RIT2: variants seen among roughly 807,000 people sequenced by gnomAD.
The protein encoded by RIT2 is GTP-binding protein Rit2.
RIT2 carries 24 observed loss-of-function variants against 23.7 expected under a neutral mutation model. The observed-to-expected ratio is 1.01, with a 90% confidence interval of 0.73 to 1.43. The LOEUF (loss-of-function observed/expected upper bound fraction) is 1.43, where lower values mean the gene tolerates loss of function less well. Ranked by LOEUF, RIT2 falls within the 40% of genes most tolerant of loss-of-function variation. RIT2 has a pLI of 0.00. For synonymous variants in RIT2, 107 were observed against 91.1 expected (o/e 1.17, Z -0.99); for missense variants, 236 against 266.9 (o/e 0.88, Z 0.81).
At chr18:43,087,883 G>A (rs1913323743) in intron 1 of RIT2, among the ~76,000 whole-genome samples, 4 of 152,092 alleles carry the variant, frequency 2.6e-5, no homozygotes, top group South Asian at 4.1e-4. Flanking sequence ...TGATGTGAGC[G>A]ATACATGTAG....
At chr18:43,057,352 G>T (rs1334049200) in intron 1 of RIT2, among the ~76,000 whole-genome samples, 9 of 152,092 alleles carry the variant, frequency 5.9e-5, no homozygotes, top group African/African-American at 2.2e-4. Flanking sequence ...TATATAAAAT[G>T]AGTTATTGCA....
At chr18:43,069,295 A>G (rs909771232) in intron 1 of RIT2, among the ~76,000 whole-genome samples, 31 of 152,002 alleles carry the variant, frequency 2.0e-4, no homozygotes, top group African/African-American at 7.3e-4. Flanking sequence ...TACTCTGTCT[A>G]TGGAGTAGCT....
chr18:43,031,048 C>T lies in RIT2; in HGVS notation c.160+2763G>A, dbSNP rs1041578583. Among the ~76,000 whole-genome samples, 13 of 151,898 alleles carry T rather than the reference C, an allele frequency of 8.6e-5. No individual in the cohort carries two copies. In the East Asian group the frequency reaches 1.8e-3, roughly 20 times the overall value. ...GGTGCCTGGTAATGTATTTAGCTCTCGCTTGCCTTCCTACATATTATACCA... is the reference window on the plus strand; with the variant it reads ...GGTGCCTGGTAATGTATTTAGCTCTTGCTTGCCTTCCTACATATTATACCA... On this transcript the variant is annotated intron_variant, in intron 2 of 4. Transcript: ENST00000326695.
At chr18:43,078,365 T>A (rs1406860972) in intron 1 of RIT2, among the ~76,000 whole-genome samples, 1 of 152,108 alleles carries the variant, frequency 6.6e-6, no homozygotes, top group East Asian at 1.9e-4. Context: ...GAGAGAAGGG[T>A]CTACATAGTT....
At chr18:42,977,200 T>C (rs938369084) in intron 2 of RIT2, among the ~76,000 whole-genome samples, 2 of 152,076 alleles carry the variant, frequency 1.3e-5, no homozygotes, top group Non-Finnish European at 2.9e-5. Context: ...TATGGTCTTA[T>C]TCATGCCAAT....
intron 2 of RIT2, among the ~76,000 whole-genome samples, chr18:43,004,159 T>C (rs1430113574): frequency 6.6e-6 from 1 of 151,854 alleles, no homozygotes; most frequent in Admixed American, 6.6e-5. Flanking sequence ...AGGGCTTTCA[T>C]TTCATATTAC....
intron 1 of RIT2, among the ~76,000 whole-genome samples, chr18:43,047,341 C>T (rs770078206): frequency 1.7e-4 from 26 of 152,168 alleles, no homozygotes; most frequent in Non-Finnish European, 1.6e-4. Context: ...TTCCACTTCA[C>T]CATTATCTTA....
chr18:43,065,037 C>G (rs917196510), intron 1 of RIT2, among the ~76,000 whole-genome samples: 1 of 151,784 alleles, frequency 6.6e-6, no homozygotes, highest in Non-Finnish European at 1.5e-5. Context: ...CCAGGCTGGT[C>G]TCAAACTCCT....
intron 3 of RIT2, among the ~76,000 whole-genome samples, chr18:42,953,696 C>T (rs1909907180): frequency 6.6e-6 from 1 of 152,202 alleles, no homozygotes; most frequent in African/African-American, 2.4e-5. Flanking sequence ...ATATTTCCCA[C>T]AGTTGCTTTC....
chr18:42,785,896 C>G (rs1206568932), intron 4 of RIT2, among the ~76,000 whole-genome samples: 1 of 152,112 alleles, frequency 6.6e-6, no homozygotes, highest in East Asian at 1.9e-4. Context: ...TAACATGAAT[C>G]TGTACACAGT....
intron 1 of RIT2, among the ~76,000 whole-genome samples, chr18:43,038,059 G>T (rs1912023045): frequency 1.3e-5 from 2 of 151,844 alleles, no homozygotes; most frequent in African/African-American, 2.4e-5. Flanking sequence ...AAAAAAATGG[G>T]CTGGGCATGG....
chr18:43,031,380 G>A (rs766611833), intron 2 of RIT2, among the ~76,000 whole-genome samples: 5 of 151,332 alleles, frequency 3.3e-5, no homozygotes, highest in South Asian at 2.1e-4. Context: ...AAATAGACCC[G>A]TGAACAGACC....
intron 2 of RIT2, among the ~76,000 whole-genome samples, chr18:42,979,113 A>G (rs1408678009): frequency 6.6e-6 from 1 of 152,160 alleles, no homozygotes; most frequent in Non-Finnish European, 1.5e-5. Context: ...ACTTTTTGGC[A>G]AGATATGTTT....
In RIT2 at chr18:42,836,771, A is replaced by G. The variant is rs58923762; in HGVS notation, c.426+86801T>C. On this transcript the variant is annotated intron_variant, in intron 4 of 4. Coordinates refer to ENST00000326695, the MANE Select transcript of RIT2 (RefSeq NM_002930.4). ...GAAATGATATATCATCCTGTTTCCCATCTCCCTTCAGAAGGAAAAGAGCTA... is the reference window on the plus strand; with the variant it reads ...GAAATGATATATCATCCTGTTTCCCGTCTCCCTTCAGAAGGAAAAGAGCTA... Among the ~76,000 whole-genome samples, 434 of 152,272 alleles carry G rather than the reference A, an allele frequency of 2.9e-3. 5 individuals carry two copies. The highest frequency in any genetic ancestry group is 0.01 in the African/African-American group (417 of 41,556).
intron 3 of RIT2, among the ~76,000 whole-genome samples, chr18:42,960,865 A>C (rs192430397): frequency 1.3e-5 from 2 of 152,142 alleles, no homozygotes; most frequent in Non-Finnish European, 2.9e-5. Flanking sequence ...TAGGGGAAAA[A>C]TTGTCTTCTT....
intron 4 of RIT2, among the ~76,000 whole-genome samples, chr18:42,872,792 A>G (rs1329747055): frequency 1.3e-5 from 2 of 152,176 alleles, no homozygotes; most frequent in Non-Finnish European, 2.9e-5. Flanking sequence ...CAGATTAGAC[A>G]CTTCCACTCT....
At position 43,024,484 on chromosome 18, in the gene RIT2, C is replaced by CT. The variant is rs545131600; in HGVS notation, c.160+9326dup. 2.2e-3 allele frequency among the ~76,000 whole-genome samples: 330 copies of CT among 152,052 alleles called. 2 individuals carry two copies. Among genetic ancestry groups the CT allele is most frequent in the African/African-American group, 7.7e-3 (318 of 41,506 alleles). The stretch of plus-strand genomic sequence containing the variant: ...ACTAGAATAAAAACTAAGAAAAACT[C>CT]TTTTGGACATTAGCCTTGGCAAGTA... On this transcript the variant is annotated intron_variant, in intron 2 of 4. Transcript: ENST00000326695.
intron 1 of RIT2, among the ~76,000 whole-genome samples, chr18:43,057,888 C>A (rs567978816): frequency 6.7e-6 from 1 of 149,986 alleles, no homozygotes; most frequent in East Asian, 2.0e-4. Flanking sequence ...AGCCAGCCAT[C>A]CTTGGGAGGA....
At chr18:43,038,842 A>G (rs1374027881) in intron 1 of RIT2, among the ~76,000 whole-genome samples, 1 of 151,104 alleles carries the variant, frequency 6.6e-6, no homozygotes, top group Non-Finnish European at 1.5e-5. Flanking sequence ...TCTATGCATT[A>G]CATATTCAGT....
Sources: allele counts gnomAD v4.1 joint callset (sites outside exome capture counted in the v4.1 genomes callset), GRCh38; gene constraint gnomAD v4.1.1; transcripts MANE v1.5; gene names NCBI Gene and HGNC (gene_info 2026-07-23, HGNC 2026-07-21).